The following ZMAT4 variants were observed in gnomAD, a reference collection of about 807,000 sequenced individuals.
ZMAT4 encodes the protein zinc finger matrin-type protein 4.
A neutral mutation model predicts 28.7 loss-of-function variants in ZMAT4; 17 were observed. That is an observed-to-expected ratio of 0.59 (90% CI 0.41 to 0.89). The LOEUF is 0.89. Among genes scored for constraint, ZMAT4 ranks in the 40% least tolerant of loss-of-function variants. ZMAT4 has a pLI of 0.00. For synonymous variants in ZMAT4, 117 were observed against 109.2 expected (o/e 1.07, Z -0.44); for missense variants, 240 against 283.8 (o/e 0.85, Z 1.11).
At chr8:40,819,835 T>C (rs999973296) in intron 2 of ZMAT4, among the ~76,000 whole-genome samples, 3 of 152,100 alleles carry the variant, frequency 2.0e-5, no homozygotes, top group African/African-American at 7.2e-5. Flanking sequence ...AATTCCTTTA[T>C]TAATATATAT....
chr8:40,881,466 A>AGAAAGAAT, intron 1 of ZMAT4, among the ~76,000 whole-genome samples: 1 of 147,714 alleles, frequency 6.8e-6, no homozygotes, highest in African/African-American at 2.5e-5. Flanking sequence ...AAAGAAAGAA[A>AGAAAGAAT]GAAAGAAAGA....
intron 3 of ZMAT4, among the ~76,000 whole-genome samples, chr8:40,717,203 G>A (rs1452596545): frequency 6.6e-6 from 1 of 152,120 alleles, no homozygotes; most frequent in Non-Finnish European, 1.5e-5. Flanking sequence ...CCAATTTGAA[G>A]GACCCAGATG....
At chr8:40,617,986 C>A (rs1563369318) in intron 5 of ZMAT4, among the ~76,000 whole-genome samples, 1 of 152,160 alleles carries the variant, frequency 6.6e-6, no homozygotes, top group Non-Finnish European at 1.5e-5. Flanking sequence ...ACAGATCGGA[C>A]CACTGGAATA....
chr8:40,759,600 T>C (rs1157146244), intron 3 of ZMAT4, among the ~76,000 whole-genome samples: 3 of 152,154 alleles, frequency 2.0e-5, no homozygotes, highest in Non-Finnish European at 4.4e-5. Context: ...TCCCCAGAAC[T>C]GTGAGAATTA....
At chr8:40,584,641 A>AT (rs1353550542) in intron 5 of ZMAT4, among the ~76,000 whole-genome samples, 85 of 150,950 alleles carry the variant, frequency 5.6e-4, no homozygotes, top group Middle Eastern at 3.4e-3. Flanking sequence ...AAAGTTTTTT[A>AT]TTTTTTTTTG....
At chr8:40,860,135 T>G (rs1817437635) in intron 1 of ZMAT4, among the ~76,000 whole-genome samples, 1 of 152,172 alleles carries the variant, frequency 6.6e-6, no homozygotes, top group South Asian at 2.1e-4. Context: ...AATATTTGCT[T>G]ATATAGAGTC....
chr8:40,665,900 A>T (rs1808394595), intron 5 of ZMAT4, among the ~76,000 whole-genome samples: 1 of 152,200 alleles, frequency 6.6e-6, no homozygotes, highest in Non-Finnish European at 1.5e-5. Flanking sequence ...CTTTTCCAGC[A>T]CAGCTCAGCT....
At chr8:40,665,303 T>G (rs1808364421) in intron 5 of ZMAT4, among the ~76,000 whole-genome samples, 1 of 152,164 alleles carries the variant, frequency 6.6e-6, no homozygotes. Context: ...CAAATCTGTT[T>G]CTCTGTCGCA....
intron 5 of ZMAT4, among the ~76,000 whole-genome samples, chr8:40,630,052 A>T (rs925516833): frequency 4.6e-5 from 7 of 152,066 alleles, no homozygotes; most frequent in Non-Finnish European, 8.8e-5. Flanking sequence ...TTCAATCCCT[A>T]TTCAGTAATT....
At chr8:40,646,153 T>C (rs867365347) in intron 5 of ZMAT4, among the ~76,000 whole-genome samples, 3 of 152,008 alleles carry the variant, frequency 2.0e-5, no homozygotes, top group Admixed American at 2.0e-4. Flanking sequence ...GCTTTTTAAG[T>C]GTTTAATTCA....
chr8:40,852,075 G>A (rs906055495), intron 1 of ZMAT4, among the ~76,000 whole-genome samples: 5 of 151,810 alleles, frequency 3.3e-5, no homozygotes, highest in African/African-American at 1.2e-4. Context: ...TGGTAGAGAC[G>A]GGGTTTCATC....
At chr8:40,746,068 C>G (rs944078443) in intron 3 of ZMAT4, among the ~76,000 whole-genome samples, 1 of 152,104 alleles carries the variant, frequency 6.6e-6, no homozygotes, top group African/African-American at 2.4e-5. Flanking sequence ...TTTCTTCTCT[C>G]CTCAAGCTTT....
At chr8:40,888,729 C>T (rs965692016) in intron 1 of ZMAT4, among the ~76,000 whole-genome samples, 7 of 152,374 alleles carry the variant, frequency 4.6e-5, no homozygotes, top group African/African-American at 1.7e-4. Context: ...TCTGGAAAAG[C>T]ATTAACAAAT....
intron 1 of ZMAT4, among the ~76,000 whole-genome samples, chr8:40,847,222 A>AAC (rs1816940641): frequency 6.6e-6 from 1 of 151,756 alleles, no homozygotes; most frequent in African/African-American, 2.4e-5. Flanking sequence ...AACAAACAAA[A>AAC]AAAAAAAACT....
intron 2 of ZMAT4, among the ~76,000 whole-genome samples, chr8:40,809,217 C>T (rs969680098): frequency 6.6e-6 from 1 of 152,168 alleles, no homozygotes; most frequent in Admixed American, 6.5e-5. Context: ...AAACCAAATA[C>T]TTCATGTTTT....
intron 6 of ZMAT4, among the ~76,000 whole-genome samples, chr8:40,552,752 G>A (rs971907993): frequency 2.0e-5 from 3 of 152,104 alleles, no homozygotes; most frequent in African/African-American, 4.8e-5. Context: ...AAGGCCACAC[G>A]GGGCCTCTTT....
rs868709845 is a variant in ZMAT4, at chr8:40,808,667, A to C, written c.102+16908T>G. 1.1e-5 allele frequency: 4 copies of C among 370,116 alleles called. No individual in the cohort carries two copies. In the Middle Eastern group the frequency reaches 1.1e-3, roughly 103 times the overall value. The allele number at this position is 370,116 out of a possible 1,614,324, so 22.9% of individuals were successfully genotyped here. A position where few individuals can be genotyped will look rare whatever the true frequency, so the allele number is the denominator to read the frequency against. The stretch of plus-strand genomic sequence containing the variant: ...CACATTAGACATCTTCACTCAGGGG[A>C]GGTAACAAGAAAGAGAGGGAAAGAG... On this transcript the variant is annotated intron_variant, in intron 2 of 6. Transcript: ENST00000297737.
intron 5 of ZMAT4, among the ~76,000 whole-genome samples, chr8:40,593,338 G>T (rs745347271): frequency 2.6e-5 from 4 of 152,218 alleles, no homozygotes; most frequent in Non-Finnish European, 5.9e-5. Context: ...TCAAACAGTT[G>T]CTTGTTACTA....
At chr8:40,733,658 T>C (rs1811639220) in intron 3 of ZMAT4, among the ~76,000 whole-genome samples, 1 of 152,164 alleles carries the variant, frequency 6.6e-6, no homozygotes, top group Non-Finnish European at 1.5e-5. Context: ...TGCTTTCAGA[T>C]TTCATTAAGA....
Sources: allele counts gnomAD v4.1 joint callset (sites outside exome capture counted in the v4.1 genomes callset), GRCh38; gene constraint gnomAD v4.1.1; transcripts MANE v1.5; gene names NCBI Gene and HGNC (gene_info 2026-07-23, HGNC 2026-07-21).